MEGF11: variants seen among roughly 807,000 people sequenced by gnomAD.
MEGF11 encodes multiple EGF like domains 11, also known as multiple epidermal growth factor-like domains protein 11.
MEGF11 carries 126 observed loss-of-function variants against 146.6 expected under a neutral mutation model. That is an observed-to-expected ratio of 0.86 (90% CI 0.74 to 1.00). The LOEUF (loss-of-function observed/expected upper bound fraction) is 1.00, where lower values mean the gene tolerates loss of function less well. Ranked by LOEUF, MEGF11 falls within the 50% of genes least tolerant of loss-of-function variation. The pLI, the probability that MEGF11 is intolerant of heterozygous loss-of-function variation, is 0.00. For missense variants in MEGF11, 1,509 were observed against 1,521.2 expected (o/e 0.99, Z 0.13); for synonymous variants, 532 against 583.4 (o/e 0.91, Z 1.27).
chr15:66,138,553 G>A (rs2088998694), intron 1 of MEGF11, among the ~76,000 whole-genome samples: 1 of 152,104 alleles, frequency 6.6e-6, no homozygotes, highest in African/African-American at 2.4e-5. Flanking sequence ...AGCCCGGTCG[G>A]GTCACGGCCG....
intron 9 of MEGF11, 104 bp from the exon 10 acceptor site, chr15:65,957,825 A>G: frequency 9.4e-7 from 1 of 1,068,326 alleles, no homozygotes; most frequent in Non-Finnish European, 1.4e-6. Context: ...TAGCAGGATC[A>G]AAGGACCTCT....
intron 5 of MEGF11, among the ~76,000 whole-genome samples, chr15:65,998,790 G>GACCCTTT (rs2082275029): frequency 6.6e-6 from 1 of 152,152 alleles, no homozygotes; most frequent in East Asian, 1.9e-4. Flanking sequence ...TTGAGCAAAT[G>GACCCTTT]GTGTGAGGTT....
chr15:66,050,111 C>CTAA (rs2084391082), intron 5 of MEGF11, among the ~76,000 whole-genome samples: 1 of 152,170 alleles, frequency 6.6e-6, no homozygotes, highest in Non-Finnish European at 1.5e-5. Flanking sequence ...CCAGGCTAAA[C>CTAA]TACAGTGGTG....
intron 5 of MEGF11, among the ~76,000 whole-genome samples, chr15:66,022,126 C>T (rs971947582): frequency 1.3e-5 from 2 of 152,218 alleles, no homozygotes; most frequent in African/African-American, 4.8e-5. Context: ...GAACAGAGGG[C>T]CACCCTGGCC....
intron 1 of MEGF11, among the ~76,000 whole-genome samples, chr15:66,179,472 G>A (rs2090481334): frequency 6.6e-6 from 1 of 152,148 alleles, no homozygotes; most frequent in South Asian, 2.1e-4. Context: ...CACGTGGGAG[G>A]AGGGGAGCAG....
intron 5 of MEGF11, among the ~76,000 whole-genome samples, chr15:66,023,912 G>A (rs1173822587): frequency 6.6e-6 from 1 of 152,228 alleles, no homozygotes; most frequent in Non-Finnish European, 1.5e-5. Flanking sequence ...TCGGTCTGAA[G>A]GCTGCAGGGG....
chr15:66,212,103 G>T (rs913363522), intron 1 of MEGF11, among the ~76,000 whole-genome samples: 1 of 27,654 alleles, frequency 3.6e-5, no homozygotes, highest in South Asian at 9.3e-4. Flanking sequence ...CCAGTCTCCC[G>T]CAGGGCCTCC....
intron 8 of MEGF11, among the ~76,000 whole-genome samples, chr15:65,967,389 A>G (rs1440181230): frequency 6.6e-6 from 1 of 152,074 alleles, no homozygotes; most frequent in Non-Finnish European, 1.5e-5. Flanking sequence ...ATATGTTTCC[A>G]TTTTCCAGGC....
At chr15:66,218,984 A>AAAAAAAAAAAAAAAAC (rs2091660931) in intron 1 of MEGF11, among the ~76,000 whole-genome samples, 1 of 150,932 alleles carries the variant, frequency 6.6e-6, no homozygotes, top group Non-Finnish European at 1.5e-5. Flanking sequence ...ACAGGCAAAA[A>AAAAAAAAAAAAAAAAC]AAAAAAAAAA....
chr15:65,922,573 A>C, intron 14 of MEGF11, 101 bp from the exon 15 acceptor site: 1 of 1,429,360 alleles, frequency 7.0e-7, no homozygotes, highest in East Asian at 2.5e-5. Context: ...GGAGACCTGC[A>C]TCCTTCCCTC....
chr15:65,923,208 G>A (rs1383757563), intron 13 of MEGF11, among the ~76,000 whole-genome samples: 2 of 152,218 alleles, frequency 1.3e-5, no homozygotes, highest in Admixed American at 1.3e-4. Context: ...TATGTACAAA[G>A]AGCAGGAGGC....
At chr15:66,038,976 A>T (rs769595662) in intron 5 of MEGF11, among the ~76,000 whole-genome samples, 1 of 152,168 alleles carries the variant, frequency 6.6e-6, no homozygotes, top group South Asian at 2.1e-4. Flanking sequence ...AGTCTAGGGA[A>T]TGGTTCTCAA....
At chr15:65,909,980 G>C in intron 21 of MEGF11, 174 bp from the exon 22 acceptor site, 1 of 701,830 alleles carries the variant, frequency 1.4e-6, no homozygotes, top group Non-Finnish European at 2.6e-6. Context: ...CCATGGTGTG[G>C]TTGATGCTAG....
At chr15:66,084,568 G>A (rs1159649794) in intron 5 of MEGF11, among the ~76,000 whole-genome samples, 4 of 152,160 alleles carry the variant, frequency 2.6e-5, no homozygotes, top group Non-Finnish European at 5.9e-5. Context: ...CTGTTTGTGG[G>A]AGAAGTTTCT....
At chr15:66,073,750 CT>C (rs941581668) in intron 5 of MEGF11, among the ~76,000 whole-genome samples, 6 of 152,188 alleles carry the variant, frequency 3.9e-5, no homozygotes, top group Admixed American at 3.9e-4. Flanking sequence ...CAAATTTTCA[CT>C]GGTAATATCT....
At chr15:65,979,508 C>A (rs1329260378) in intron 7 of MEGF11, among the ~76,000 whole-genome samples, 2 of 152,210 alleles carry the variant, frequency 1.3e-5, no homozygotes, top group African/African-American at 4.8e-5. Context: ...GCCTCAGGCC[C>A]CAGGGGAGGT....
At chr15:65,966,861 C>G (rs770359670) in intron 8 of MEGF11, among the ~76,000 whole-genome samples, 1 of 151,942 alleles carries the variant, frequency 6.6e-6, no homozygotes, top group Non-Finnish European at 1.5e-5. Context: ...ACCCCTTACC[C>G]CCACCCTGGG....
intron 4 of MEGF11, among the ~76,000 whole-genome samples, chr15:66,098,209 A>G (rs970800980): frequency 6.6e-6 from 1 of 152,102 alleles, no homozygotes; most frequent in Non-Finnish European, 1.5e-5. Context: ...CAGGACAGCG[A>G]TCTTGGCACC....
chr15:65,965,618 T>C (rs1172924889), intron 8 of MEGF11, among the ~76,000 whole-genome samples: 15 of 112,922 alleles, frequency 1.3e-4, no homozygotes, highest in Non-Finnish European at 2.4e-4. Flanking sequence ...TTTTTCTTTT[T>C]TTTTTTTTTG....
Sources: gnomAD v4.1 joint callset for allele counts (sites outside exome capture counted in the v4.1 genomes callset) on GRCh38, gnomAD v4.1.1 for gene constraint, MANE v1.5 for transcripts, NCBI Gene and HGNC (gene_info 2026-07-23, HGNC 2026-07-21) for gene names.